The following PTPRM variants were observed in gnomAD, a reference collection of about 807,000 sequenced individuals.
The protein encoded by PTPRM is protein tyrosine phosphatase receptor type M, also known as receptor-type tyrosine-protein phosphatase mu.
In PTPRM, 47 loss-of-function variants were observed where a neutral mutation model predicts 186.7. The ratio of observed to expected loss-of-function variants is 0.25; its 90% confidence interval spans 0.20 to 0.32. The LOEUF is 0.32. PTPRM is among the 10% of genes least tolerant of loss of function. The pLI, the probability that PTPRM is intolerant of heterozygous loss-of-function variation, is 1.00. For synonymous variants in PTPRM, 668 were observed against 674.9 expected (o/e 0.99, Z 0.16); for missense variants, 1,494 against 1,865.0 (o/e 0.80, Z 3.66).
chr18:8,372,520 G>T (rs2095669527), intron 24 of PTPRM, among the ~76,000 whole-genome samples: 1 of 152,144 alleles, frequency 6.6e-6, no homozygotes, highest in Non-Finnish European at 1.5e-5. Context: ...ATCCAAATTT[G>T]TCATAGAATC....
intron 7 of PTPRM, among the ~76,000 whole-genome samples, chr18:7,987,286 C>G (rs565382198): frequency 6.6e-6 from 1 of 152,216 alleles, no homozygotes; most frequent in Non-Finnish European, 1.5e-5. Context: ...ATTATTCTTA[C>G]AGTCAGAGGA....
chr18:7,988,013 C>CAAAAAAAAA (rs57611700), intron 7 of PTPRM, among the ~76,000 whole-genome samples: 1 of 112,420 alleles, frequency 8.9e-6, no homozygotes, highest in Non-Finnish European at 1.9e-5. Context: ...CCTGTGTCTA[C>CAAAAAAAAA]AAAAAAAAAA....
intron 2 of PTPRM, among the ~76,000 whole-genome samples, chr18:7,822,911 C>T (rs1392362925): frequency 1.3e-5 from 2 of 152,142 alleles, no homozygotes; most frequent in African/African-American, 2.4e-5. Flanking sequence ...CAGGCTTGCT[C>T]TCCGGGGAAC....
At chr18:8,131,058 A>T (rs950559356) in intron 13 of PTPRM, among the ~76,000 whole-genome samples, 1 of 152,170 alleles carries the variant, frequency 6.6e-6, no homozygotes, top group South Asian at 2.1e-4. Context: ...GGATTGTTTT[A>T]TGGCCCATGA....
chr18:8,064,846 C>G (rs1040046068), intron 7 of PTPRM, among the ~76,000 whole-genome samples: 1 of 152,176 alleles, frequency 6.6e-6, no homozygotes, highest in African/African-American at 2.4e-5. Flanking sequence ...ATTAGTTACT[C>G]AGACCTTTGC....
At chr18:7,860,633 C>G (rs535079202) in intron 2 of PTPRM, among the ~76,000 whole-genome samples, 206 of 152,262 alleles carry the variant, frequency 1.4e-3, no homozygotes, top group African/African-American at 4.6e-3. Flanking sequence ...TCTTGTTCCT[C>G]TGGATTATTT....
chr18:7,990,703 A>G (rs188376616), intron 7 of PTPRM, among the ~76,000 whole-genome samples: 27 of 152,296 alleles, frequency 1.8e-4, no homozygotes, highest in Admixed American at 1.8e-3. Context: ...TAGACAGTCT[A>G]CACTGATCAC....
At position 7,955,375 on chromosome 18, in the gene PTPRM, T is replaced by A; in HGVS notation, c.1093T>A (p.Ser365Thr). The A allele has an allele frequency of 1.9e-6, 3 of 1,613,966 alleles. No homozygotes were observed. The highest frequency in any genetic ancestry group is 2.5e-6 in the Non-Finnish European group (3 of 1,179,922). The change falls in exon 7 of 33, where the codon TCT (serine) becomes ACT (threonine). Residue 365 changes from serine (S) to threonine (T), a missense_variant. Ser to Thr is a moderately conservative substitution (Grantham distance 58). Transcript: ENST00000580170. ...LTRPGEGGTG[S>T]PGPALRTRTK... is the part of the protein sequence containing the mutation. The stretch of plus-strand genomic sequence containing the variant: ...CAGGCCAGGGGAGGGTGGCACTGGC[T>A]CTCCTGGTCCAGCTCTCAGGACAAG...
At chr18:7,966,756 A>G (rs1209617990) in intron 7 of PTPRM, among the ~76,000 whole-genome samples, 41 of 140,034 alleles carry the variant, frequency 2.9e-4, no homozygotes, top group African/African-American at 9.7e-4. Context: ...ACCGGCTTAA[A>G]AAACGGCGCA....
chr18:8,383,830 C>T (rs1386824881), intron 29 of PTPRM, among the ~76,000 whole-genome samples: 4 of 152,178 alleles, frequency 2.6e-5, no homozygotes, highest in Non-Finnish European at 5.9e-5. Flanking sequence ...CAATCCCAGC[C>T]AGCAGAGCGT....
Position 7,984,610 on chromosome 18 carries a change from C to T in PTPRM, c.1132+29196C>T, listed in dbSNP as rs1472525133. On this transcript the variant is annotated intron_variant, in intron 7 of 32. Coordinates refer to ENST00000580170, the MANE Select transcript of PTPRM (RefSeq NM_001105244.2). ...ATATATATATATATATATACACACACACACACACACACACACACAAACCCC... is the reference window on the plus strand; with the variant it reads ...ATATATATATATATATATACACACATACACACACACACACACACAAACCCC... Among the ~76,000 whole-genome samples, 1,027 of 120,888 alleles carry T rather than the reference C, an allele frequency of 8.5e-3. 6 individuals are homozygous for T. The highest frequency in any genetic ancestry group is 0.021 in the African/African-American group (613 of 29,462). 79.3% of individuals were successfully genotyped at this position (120,888 alleles called of 152,430 possible).
chr18:8,372,528 A>G (rs908849963), intron 24 of PTPRM, among the ~76,000 whole-genome samples: 1 of 152,236 alleles, frequency 6.6e-6, no homozygotes, highest in South Asian at 2.1e-4. Flanking sequence ...TTGTCATAGA[A>G]TCACAAAGCT....
intron 2 of PTPRM, among the ~76,000 whole-genome samples, chr18:7,837,821 A>G (rs1208271644): frequency 1.3e-5 from 2 of 152,162 alleles, no homozygotes; most frequent in Non-Finnish European, 2.9e-5. Context: ...TCATTTGGTG[A>G]GGTCATATTT....
At chr18:8,082,539 C>T (rs974337704) in intron 9 of PTPRM, among the ~76,000 whole-genome samples, 2 of 149,384 alleles carry the variant, frequency 1.3e-5, no homozygotes, top group African/African-American at 2.5e-5. Flanking sequence ...CCCTCTCTCC[C>T]CTTCTCTCTC....
At chr18:7,909,940 A>G (rs2050178941) in intron 4 of PTPRM, among the ~76,000 whole-genome samples, 1 of 152,196 alleles carries the variant, frequency 6.6e-6, no homozygotes, top group Non-Finnish European at 1.5e-5. Flanking sequence ...ATGCACACTA[A>G]AAATATATTT....
At chr18:7,577,645 A>T (rs998550550) in intron 1 of PTPRM, among the ~76,000 whole-genome samples, 25 of 152,312 alleles carry the variant, frequency 1.6e-4, no homozygotes, top group African/African-American at 5.5e-4. Flanking sequence ...AAAAGAGGCT[A>T]CTTTGACAAC....
chr18:8,085,699 A>G lies in PTPRM; in HGVS notation c.1580A>G (p.Asp527Gly). The G allele has an allele frequency of 6.2e-7, 1 of 1,609,620 alleles. No individual in the cohort carries two copies. The highest frequency in any genetic ancestry group is 8.5e-7 in the Non-Finnish European group (1 of 1,176,060). Residue 527 changes from aspartate to glycine, a missense_variant, in exon 10 of 33, where the codon GAC (aspartate) becomes GGC (glycine). Asp to Gly is a moderately conservative substitution (Grantham distance 94, BLOSUM62 -1). Coordinates refer to ENST00000580170, the MANE Select transcript of PTPRM (RefSeq NM_001105244.2). ...EITYKAVSSFDPEIDLSNQSG... is the reference protein window; with the variant it reads ...EITYKAVSSFGPEIDLSNQSG... ...ACCTACAAAGCAGTCAGTTCCTTTG[A>G]CCCAGAAATAGATTTATCCAATCAG... is the stretch of plus-strand genomic sequence containing the variant.
At chr18:7,763,963 T>A (rs78837105) in intron 1 of PTPRM, among the ~76,000 whole-genome samples, 21 of 151,780 alleles carry the variant, frequency 1.4e-4, no homozygotes, top group African/African-American at 3.9e-4. Flanking sequence ...TTTTTTTTTT[T>A]AATTAATTTC....
intron 1 of PTPRM, among the ~76,000 whole-genome samples, chr18:7,594,829 T>G (rs1486745310): frequency 6.6e-6 from 1 of 152,172 alleles, no homozygotes; most frequent in Non-Finnish European, 1.5e-5. Context: ...TGAAGGTAGT[T>G]CTATGGGAGG....
Sources: gnomAD v4.1 joint callset for allele counts (sites outside exome capture counted in the v4.1 genomes callset) on GRCh38, gnomAD v4.1.1 for gene constraint, MANE v1.5 for transcripts, NCBI Gene and HGNC (gene_info 2026-07-23, HGNC 2026-07-21) for gene names.